KIF3C: variants seen among roughly 807,000 people sequenced by gnomAD.
The protein encoded by KIF3C is kinesin-like protein KIF3C.
In KIF3C, 12 loss-of-function variants were observed where a neutral mutation model predicts 67.7. That is an observed-to-expected ratio of 0.18 (90% confidence interval 0.11 to 0.29). KIF3C has a LOEUF of 0.29. Among genes scored for constraint, KIF3C ranks in the 10% least tolerant of loss-of-function variants. The probability of loss-of-function intolerance (pLI) is 1.00; values close to 1 mark genes in which losing one functional copy is unlikely to be tolerated. For synonymous variants in KIF3C, 393 were observed against 426.2 expected (o/e 0.92, Z 0.96); for missense variants, 789 against 1,059.6 (o/e 0.74, Z 3.55).
At chr2:25,978,633 C>T (rs1330241767) in intron 1 of KIF3C, among the ~76,000 whole-genome samples, 1 of 151,878 alleles carries the variant, frequency 6.6e-6, no homozygotes, top group Non-Finnish European at 1.5e-5. Context: ...CCAAGGATCT[C>T]ACTGAGGGAA....
intron 1 of KIF3C, among the ~76,000 whole-genome samples, chr2:25,962,785 TATAA>T (rs759282663): frequency 1.3e-4 from 12 of 95,796 alleles, no homozygotes; most frequent in African/African-American, 1.8e-4. Context: ...ATGTTATATA[TATAA>T]TATATATTAT....
At chr2:25,933,787 C>T (rs1286062192) in intron 5 of KIF3C, among the ~76,000 whole-genome samples, 1 of 151,672 alleles carries the variant, frequency 6.6e-6, no homozygotes, top group Admixed American at 6.6e-5. Flanking sequence ...AAATGAAACC[C>T]TCATACACTA....
intron 6 of KIF3C, 104 bp from the exon 7 acceptor site, chr2:25,929,581 G>A (rs1281956481): frequency 1.1e-6 from 1 of 948,726 alleles, no homozygotes; most frequent in South Asian, 1.4e-5. Context: ...GTGGTTAGGG[G>A]AAGCAGAGGC....
chr2:25,969,342 G>T (rs1345575084), intron 1 of KIF3C, among the ~76,000 whole-genome samples: 2 of 151,748 alleles, frequency 1.3e-5, no homozygotes, highest in East Asian at 3.9e-4. Flanking sequence ...CCTGACAAAG[G>T]GCTTTTTCCT....
intron 1 of KIF3C, among the ~76,000 whole-genome samples, chr2:25,961,624 C>T (rs924380194): frequency 6.6e-6 from 1 of 152,202 alleles, no homozygotes; most frequent in African/African-American, 2.4e-5. Flanking sequence ...GAATATGCTG[C>T]CACAGCTAAA....
intron 1 of KIF3C, among the ~76,000 whole-genome samples, chr2:25,966,326 G>A (rs150470457): frequency 6.6e-6 from 1 of 152,092 alleles, no homozygotes; most frequent in African/African-American, 2.4e-5. Context: ...GGCTGGTCTC[G>A]AACTCCTGAC....
Position 25,953,247 on chromosome 2 carries a change from T to C in KIF3C, c.1889+1020A>G, listed in dbSNP as rs192040197. On this transcript the variant is annotated intron_variant, in intron 4 of 7. Coordinates refer to ENST00000264712, the MANE Select transcript of KIF3C (RefSeq NM_002254.8). ...CTGCACCACTGCACTCCAGGGTGGA[T>C]GATAGAGCAATATTCCATCTCCAAA... Among the ~76,000 whole-genome samples the C allele has an allele frequency of 2.6e-3, 397 of 151,294 alleles. 2 individuals are homozygous for C. Among genetic ancestry groups the C allele is most frequent in the African/African-American group, 9.1e-3 (377 of 41,226 alleles).
intron 5 of KIF3C, among the ~76,000 whole-genome samples, chr2:25,946,639 G>T (rs1169599405): frequency 6.6e-6 from 1 of 152,184 alleles, no homozygotes; most frequent in Non-Finnish European, 1.5e-5. Context: ...AGTGAGCCAA[G>T]ATCGCGCCAC....
In KIF3C at chr2:25,955,763, G is replaced by A. The variant is rs1663791702; in HGVS notation, c.1648-100C>T. On this transcript the variant is annotated intron_variant, in intron 2 of 7. Transcript: ENST00000264712. This position sits in a 1 kb window ranked among gnomAD's most constrained non-coding sequence, Gnocchi z 5.0. ...GCTCACTCTGCCTGTCTCGGGACCT[G>A]GCTTCACCATGGCCCATGGCCCACA... 1.4e-6 allele frequency: 2 copies of A among 1,433,526 alleles called. No homozygotes were observed. The highest frequency in any genetic ancestry group is 3.7e-5 in the Admixed American group (2 of 54,578). 88.8% of individuals were successfully genotyped at this position (1,433,526 alleles called of 1,614,324 possible).
In KIF3C at chr2:25,980,437, T is replaced by C. The variant is rs770646384; in HGVS notation, c.1481A>G (p.Glu494Gly). The change falls in exon 1 of 8, where the codon GAG (glutamate) becomes GGG (glycine). Residue 494 changes from glutamate (E) to glycine (G), a missense_variant. Physicochemically the swap from Glu to Gly is moderately conservative, Grantham distance 98. Coordinates refer to ENST00000264712, the MANE Select transcript of KIF3C (RefSeq NM_002254.8). This position sits in a 1 kb window ranked among gnomAD's most constrained non-coding sequence, Gnocchi z 7.6. ...CCGCCGCAGGTCCTCCAGCATCTTC[T>C]CCTTCTCCTCCAGCAGCTTCTGCTT... ...EEKQKLLEEKEKMLEDLRREQ... is the reference protein window; with the variant it reads ...EEKQKLLEEKGKMLEDLRREQ... The C allele has an allele frequency of 7.4e-6, 12 of 1,613,960 alleles. No individual in the cohort carries two copies. The South Asian group carries it at 1.2e-4, about 16-fold the overall frequency.
intron 5 of KIF3C, among the ~76,000 whole-genome samples, chr2:25,949,380 C>T (rs1405439280): frequency 6.6e-6 from 1 of 152,030 alleles, no homozygotes; most frequent in East Asian, 1.9e-4. Context: ...TCGAGATCAG[C>T]CTGGGTAACA....
At chr2:25,943,888 C>T (rs1461796608) in intron 5 of KIF3C, among the ~76,000 whole-genome samples, 1 of 151,754 alleles carries the variant, frequency 6.6e-6, no homozygotes, top group Non-Finnish European at 1.5e-5. Context: ...ATCCTAGAAC[C>T]ATTTTTTACT....
At chr2:25,957,907 C>T (rs1054852281) in intron 1 of KIF3C, among the ~76,000 whole-genome samples, 1 of 152,196 alleles carries the variant, frequency 6.6e-6, no homozygotes, top group Non-Finnish European at 1.5e-5. Flanking sequence ...CAGCCGCCTG[C>T]GCTCCTGGTT....
intron 1 of KIF3C, among the ~76,000 whole-genome samples, chr2:25,972,781 A>G (rs1664313803): frequency 6.6e-6 from 1 of 152,068 alleles, no homozygotes; most frequent in African/African-American, 2.4e-5. Flanking sequence ...TCCTCTCCCA[A>G]TCGAGGTTTC....
At chr2:25,931,936 T>G (rs1371780493) in intron 5 of KIF3C, among the ~76,000 whole-genome samples, 9 of 20,542 alleles carry the variant, frequency 4.4e-4, no homozygotes, top group Non-Finnish European at 2.5e-3. Flanking sequence ...ACCTGGCTGT[T>G]TTTTTTTTTT....
chr2:25,962,365 C>T (rs911913530), intron 1 of KIF3C, among the ~76,000 whole-genome samples: 7 of 151,804 alleles, frequency 4.6e-5, no homozygotes, highest in Non-Finnish European at 8.8e-5. Context: ...TTTCATTTTC[C>T]CTGGTTTTTT....
chr2:25,962,725 T>A (rs1028009024), intron 1 of KIF3C, among the ~76,000 whole-genome samples: 1 of 126,810 alleles, frequency 7.9e-6, no homozygotes, highest in Non-Finnish European at 1.6e-5. Context: ...TATGTCTTGC[T>A]ATTTCCACTT....
intron 1 of KIF3C, among the ~76,000 whole-genome samples, chr2:25,974,059 C>T (rs1015242651): frequency 6.6e-6 from 1 of 152,088 alleles, no homozygotes; most frequent in Non-Finnish European, 1.5e-5. Context: ...TATGTTCGTT[C>T]TCTTGTTTAA....
chr2:25,963,205 T>TA, intron 1 of KIF3C, among the ~76,000 whole-genome samples: 1 of 92,456 alleles, frequency 1.1e-5, no homozygotes, highest in South Asian at 3.0e-4. Context: ...TATTTTTTTT[T>TA]TTTTTTTTTT....
Sources: gnomAD v4.1 joint callset for allele counts (sites outside exome capture counted in the v4.1 genomes callset) on GRCh38, gnomAD v4.1.1 for gene constraint, Gnocchi (gnomAD v3.1) non-coding constraint, MANE v1.5 for transcripts, NCBI Gene and HGNC (gene_info 2026-07-23, HGNC 2026-07-21) for gene names.